Variants in NRXN1 observed in about 807,000 individuals in gnomAD.
NRXN1 encodes the protein neurexin-1.
NRXN1 carries 39 observed loss-of-function variants against 150.9 expected under a neutral mutation model. The ratio of observed to expected loss-of-function variants is 0.26; its 90% CI spans 0.20 to 0.34. The LOEUF (loss-of-function observed/expected upper bound fraction) is 0.34. Ranked by LOEUF, NRXN1 falls within the 10% of genes least tolerant of loss-of-function variation. The pLI, the probability that NRXN1 is intolerant of heterozygous loss-of-function variation, is 1.00. For synonymous variants in NRXN1, 924 were observed against 757.0 expected (o/e 1.22, Z -3.62); for missense variants, 1,815 against 1,949.9 (o/e 0.93, Z 1.30).
chr2:50,224,894 T>C (rs911702481), intron 18 of NRXN1, among the ~76,000 whole-genome samples: 2 of 151,958 alleles, frequency 1.3e-5, no homozygotes, highest in Non-Finnish European at 2.9e-5. Context: ...CATAAGTTTT[T>C]GTGTAGATAT....
At chr2:50,255,151 C>CA (rs143342471) in intron 17 of NRXN1, among the ~76,000 whole-genome samples, 2,823 of 151,640 alleles carry the variant, frequency 0.019, 77 homozygotes, top group African/African-American at 0.065. Flanking sequence ...AACAAACAAA[C>CA]AAAAAAAACT....
At chr2:50,304,039 C>T (rs1256810955) in intron 17 of NRXN1, among the ~76,000 whole-genome samples, 1 of 151,926 alleles carries the variant, frequency 6.6e-6, no homozygotes, top group Non-Finnish European at 1.5e-5. Flanking sequence ...CATAACTTAC[C>T]CCAATTAGCT....
chr2:50,549,440 T>C (rs1667104545), intron 9 of NRXN1, among the ~76,000 whole-genome samples: 1 of 152,194 alleles, frequency 6.6e-6, no homozygotes, highest in Non-Finnish European at 1.5e-5. Flanking sequence ...ATATTGTTTG[T>C]ACCAATTCAC....
At chr2:51,018,086 G>A (rs890143875) in intron 2 of NRXN1, among the ~76,000 whole-genome samples, 6 of 152,002 alleles carry the variant, frequency 3.9e-5, no homozygotes, top group Admixed American at 2.0e-4. Context: ...TTCCATATAC[G>A]GGCCAGGTGT....
intron 18 of NRXN1, among the ~76,000 whole-genome samples, chr2:50,154,012 C>T (rs2058858127): frequency 6.6e-6 from 1 of 151,700 alleles, no homozygotes; most frequent in Admixed American, 6.6e-5. Flanking sequence ...TAAAATTAAC[C>T]ATAATTTATC....
At chr2:50,724,404 A>C (rs1697057637) in intron 5 of NRXN1, among the ~76,000 whole-genome samples, 3 of 152,128 alleles carry the variant, frequency 2.0e-5, no homozygotes, top group African/African-American at 7.2e-5. Flanking sequence ...TCCCTTATTG[A>C]TATACTCAAT....
intron 18 of NRXN1, among the ~76,000 whole-genome samples, chr2:50,098,515 T>A (rs1368615804): frequency 6.6e-6 from 1 of 152,148 alleles, no homozygotes; most frequent in Non-Finnish European, 1.5e-5. Context: ...CTATCTCTCC[T>A]TTCAGGCCCC....
At chr2:50,938,682 T>C (rs1297837112) in intron 2 of NRXN1, among the ~76,000 whole-genome samples, 1 of 152,166 alleles carries the variant, frequency 6.6e-6, no homozygotes, top group Non-Finnish European at 1.5e-5. Flanking sequence ...GCTGAGGATG[T>C]CTCAAGAAAC....
chr2:50,643,360 A>G (rs1198488474), intron 5 of NRXN1, among the ~76,000 whole-genome samples: 1 of 152,016 alleles, frequency 6.6e-6, no homozygotes, highest in Non-Finnish European at 1.5e-5. Context: ...TAAAATTATT[A>G]GCATGGAGCC....
intron 21 of NRXN1, among the ~76,000 whole-genome samples, chr2:49,988,038 C>G (rs1343075866): frequency 1.3e-5 from 2 of 151,846 alleles, no homozygotes; most frequent in East Asian, 3.9e-4. Flanking sequence ...TGTTCTACTG[C>G]CAAATCAGAT....
intron 21 of NRXN1, among the ~76,000 whole-genome samples, chr2:50,008,098 A>G (rs559590119): frequency 6.6e-6 from 1 of 152,186 alleles, no homozygotes; most frequent in Admixed American, 6.5e-5. Context: ...AAGATTATTT[A>G]TACATCAAGA....
At position 50,829,321 on chromosome 2, in the gene NRXN1, G is replaced by C; in HGVS notation, c.832+92548C>G. On this transcript the variant is annotated intron_variant, in intron 5 of 22. Coordinates refer to ENST00000401669, the MANE Select transcript of NRXN1 (RefSeq NM_001330078.2). The stretch of plus-strand genomic sequence containing the variant: ...AATTTTGTATTTTTAGTAGAGATGG[G>C]GTTTCTCCATGTTGATCAGGACAGT... 5 of 655,314 alleles carry C rather than the reference G, an allele frequency of 7.6e-6. No homozygotes were observed. The South Asian group carries it at 9.6e-5, about 13-fold the overall frequency. The allele number at this position is 655,314 out of a possible 1,614,324, so 40.6% of individuals were successfully genotyped here.
In NRXN1 at chr2:49,973,669, G is replaced by A. The variant is rs188338221; in HGVS notation, c.4129-29878C>T. 28 of 378,760 alleles carry A rather than the reference G, an allele frequency of 7.4e-5. 1 individual carries two copies. Among genetic ancestry groups the A allele is most frequent in the East Asian group, 3.6e-4 (7 of 19,318 alleles). The allele number at this position is 378,760 out of a possible 1,614,324, so 23.5% of individuals were successfully genotyped here. ...CAAGTTTTGGTTGTTTTTGCCACAA[G>A]CATGCTGATAAACCCCTGAAGCTCA... On this transcript the variant is annotated intron_variant, in intron 21 of 22. Coordinates refer to ENST00000401669, the MANE Select transcript of NRXN1 (RefSeq NM_001330078.2).
chr2:50,274,532 T>C (rs1457849121), intron 17 of NRXN1, among the ~76,000 whole-genome samples: 1 of 152,124 alleles, frequency 6.6e-6, no homozygotes, highest in East Asian at 1.9e-4. Flanking sequence ...CTGCACATTC[T>C]GCACATGTAT....
chr2:50,264,133 A>G (rs1203398347), intron 17 of NRXN1, among the ~76,000 whole-genome samples: 1 of 152,172 alleles, frequency 6.6e-6, no homozygotes, highest in Non-Finnish European at 1.5e-5. Context: ...CTTATCAATT[A>G]AGGATAATAC....
In NRXN1 at chr2:50,347,379, G is replaced by A. The variant is rs1038501878; in HGVS notation, c.3365-110409C>T. 25 of 1,194,214 alleles carry A rather than the reference G, an allele frequency of 2.1e-5. No individual in the cohort carries two copies. The highest frequency in any genetic ancestry group is 2.6e-5 in the Non-Finnish European group (25 of 944,052). The allele number at this position is 1,194,214 out of a possible 1,614,324, so 74.0% of individuals were successfully genotyped here. ...CACTTCTACATGACAGACATCCACC[G>A]CGAATCCACTAGGTAAATCCATTTA... On this transcript the variant is annotated intron_variant, in intron 17 of 22. Coordinates refer to ENST00000401669, the MANE Select transcript of NRXN1 (RefSeq NM_001330078.2). The surrounding 1 kb of genome is among the most constrained non-coding windows in gnomAD (Gnocchi z 4.9).
intron 18 of NRXN1, among the ~76,000 whole-genome samples, chr2:50,107,076 A>G (rs1415405720): frequency 6.6e-6 from 1 of 151,998 alleles, no homozygotes; most frequent in Non-Finnish European, 1.5e-5. Context: ...AAATACACAA[A>G]AAAGAGAGCT....
chr2:50,264,810 G>C (rs2068670218), intron 17 of NRXN1, among the ~76,000 whole-genome samples: 6 of 152,016 alleles, frequency 3.9e-5, no homozygotes, highest in Admixed American at 3.9e-4. Flanking sequence ...GTCTCTTGGA[G>C]ACAAGAAGTG....
At chr2:50,523,569 A>G (rs1171448649) in intron 12 of NRXN1, among the ~76,000 whole-genome samples, 2 of 152,218 alleles carry the variant, frequency 1.3e-5, no homozygotes, top group Non-Finnish European at 2.9e-5. Flanking sequence ...CCAGTGGTTG[A>G]CATTTTGCAT....
Sources: gnomAD v4.1 joint callset for allele counts (sites outside exome capture counted in the v4.1 genomes callset) on GRCh38, gnomAD v4.1.1 for gene constraint, Gnocchi (gnomAD v3.1) non-coding constraint, MANE v1.5 for transcripts, NCBI Gene and HGNC (gene_info 2026-07-23, HGNC 2026-07-21) for gene names.